CNTNAP2: variants seen among roughly 807,000 people sequenced by gnomAD.
The protein encoded by CNTNAP2 is contactin associated protein 2, also known as contactin-associated protein-like 2.
In CNTNAP2, 98 loss-of-function variants were observed where a neutral mutation model predicts 155.2. The ratio of observed to expected loss-of-function variants is 0.63; its 90% CI spans 0.54 to 0.75. The LOEUF (loss-of-function observed/expected upper bound fraction) is 0.75. Ranked by LOEUF, CNTNAP2 falls within the 30% of genes least tolerant of loss-of-function variation. CNTNAP2 has a pLI of 0.00. For synonymous variants in CNTNAP2, 651 were observed against 631.2 expected (o/e 1.03, Z -0.47); for missense variants, 1,727 against 1,688.1 (o/e 1.02, Z -0.40).
intron 1 of CNTNAP2, among the ~76,000 whole-genome samples, chr7:146,494,195 A>G (rs1584950463): frequency 6.6e-6 from 1 of 151,922 alleles, no homozygotes; most frequent in African/African-American, 2.4e-5. Context: ...TTAGCTGGGC[A>G]TGGTGGCGGG....
At chr7:147,545,420 T>C (rs1048187089) in intron 11 of CNTNAP2, among the ~76,000 whole-genome samples, 8 of 152,188 alleles carry the variant, frequency 5.3e-5, no homozygotes, top group Admixed American at 4.6e-4. Context: ...CACAACTGTG[T>C]GTATGTGAGT....
intron 1 of CNTNAP2, among the ~76,000 whole-genome samples, chr7:146,312,363 A>G (rs1373331939): frequency 6.6e-6 from 1 of 152,188 alleles, no homozygotes; most frequent in Non-Finnish European, 1.5e-5. Context: ...GGTAACACAT[A>G]TCTTTGCAAC....
chr7:146,426,678 G>A (rs1041077767), intron 1 of CNTNAP2, among the ~76,000 whole-genome samples: 2 of 148,164 alleles, frequency 1.3e-5, no homozygotes, highest in Non-Finnish European at 3.0e-5. Context: ...AGAGTAAAAT[G>A]CTAGTTGCCA....
At chr7:147,598,950 T>A (rs1475268619) in intron 12 of CNTNAP2, among the ~76,000 whole-genome samples, 2 of 152,114 alleles carry the variant, frequency 1.3e-5, no homozygotes, top group East Asian at 1.9e-4. Flanking sequence ...TCCTGAGGCC[T>A]CCCCAGCCAT....
At chr7:147,699,968 G>A (rs150925799) in intron 13 of CNTNAP2, among the ~76,000 whole-genome samples, 2,510 of 152,220 alleles carry the variant, frequency 0.016, 223 homozygotes, top group Admixed American at 0.15. Flanking sequence ...CTTGTACTTA[G>A]CATAATGTTT....
chr7:146,614,691 C>G (rs1159603119), intron 1 of CNTNAP2, among the ~76,000 whole-genome samples: 2 of 152,068 alleles, frequency 1.3e-5, no homozygotes, highest in Non-Finnish European at 2.9e-5. Context: ...GCAATAAAGT[C>G]AAAGACAACT....
intron 8 of CNTNAP2, among the ~76,000 whole-genome samples, chr7:147,251,635 A>G (rs1020439743): frequency 1.3e-5 from 2 of 152,160 alleles, no homozygotes; most frequent in African/African-American, 4.8e-5. Flanking sequence ...TTATGGAAAG[A>G]CACAAATATT....
At chr7:146,735,466 A>G (rs1801597475) in intron 1 of CNTNAP2, among the ~76,000 whole-genome samples, 1 of 152,018 alleles carries the variant, frequency 6.6e-6, no homozygotes. Flanking sequence ...GAGGCAGGAG[A>G]ATGGCGTGAA....
At position 148,149,245 on chromosome 7, in the gene CNTNAP2, C is replaced by T. The variant is rs114269778; in HGVS notation, c.2773+1536C>T. 6.5e-3 allele frequency among the ~76,000 whole-genome samples: 995 copies of T among 152,068 alleles called. 22 individuals carry two copies. Among genetic ancestry groups the T allele is most frequent in the African/African-American group, 0.023 (936 of 41,474 alleles). On this transcript the variant is annotated intron_variant, in intron 17 of 23. Transcript: ENST00000361727. ...TGGCTGTGTGTAAGAATTTTGAAGA[C>T]CTAGTAAGGTTGTAAAATGAAGAGA...
At chr7:146,644,834 A>T (rs1359745607) in intron 1 of CNTNAP2, among the ~76,000 whole-genome samples, 1 of 152,136 alleles carries the variant, frequency 6.6e-6, no homozygotes, top group Non-Finnish European at 1.5e-5. Context: ...TTGTGGCAAT[A>T]ATCAGTAGCT....
intron 3 of CNTNAP2, among the ~76,000 whole-genome samples, chr7:146,991,246 T>A (rs539869950): frequency 9.2e-5 from 14 of 152,250 alleles, no homozygotes; most frequent in Non-Finnish European, 5.9e-5. Context: ...GTATTCTAAA[T>A]CATTTAATTT....
intron 1 of CNTNAP2, among the ~76,000 whole-genome samples, chr7:146,385,701 C>T (rs1262946703): frequency 6.6e-6 from 1 of 152,184 alleles, no homozygotes; most frequent in East Asian, 1.9e-4. Flanking sequence ...TGACTGATTA[C>T]TGATCCCTTG....
intron 15 of CNTNAP2, among the ~76,000 whole-genome samples, chr7:148,036,172 C>T (rs1312856226): frequency 6.6e-6 from 1 of 152,094 alleles, no homozygotes; most frequent in Non-Finnish European, 1.5e-5. Flanking sequence ...ACATTCTGGA[C>T]TTTGGACTTT....
At chr7:146,419,348 G>A (rs1795979414) in intron 1 of CNTNAP2, among the ~76,000 whole-genome samples, 1 of 151,958 alleles carries the variant, frequency 6.6e-6, no homozygotes, top group South Asian at 2.1e-4. Flanking sequence ...GGAATTATGG[G>A]AGCTACAATT....
intron 11 of CNTNAP2, among the ~76,000 whole-genome samples, chr7:147,530,334 C>A (rs1280626046): frequency 6.6e-6 from 1 of 152,010 alleles, no homozygotes; most frequent in Non-Finnish European, 1.5e-5. Context: ...CGTGTGCCTC[C>A]GTGCCTGGCT....
intron 16 of CNTNAP2, among the ~76,000 whole-genome samples, chr7:148,121,725 C>T (rs1804599654): frequency 6.6e-6 from 1 of 152,118 alleles, no homozygotes; most frequent in Non-Finnish European, 1.5e-5. Context: ...AACAATGAGT[C>T]AGTGTACACT....
chr7:147,949,829 CA>C lies in CNTNAP2; in HGVS notation c.2256-28032del, dbSNP rs1324899269. On this transcript the variant is annotated intron_variant, in intron 14 of 23. Coordinates refer to ENST00000361727, the MANE Select transcript of CNTNAP2 (RefSeq NM_014141.6). Reference sequence around the variant, plus strand: ...AAGAAGCTTCGAGGAGAATGGCTTCCACCCATGACTGAGAATTGAATTGAGG... The same window carrying C: ...AAGAAGCTTCGAGGAGAATGGCTTCCCCCATGACTGAGAATTGAATTGAGG... Among the ~76,000 whole-genome samples, 3 of 152,172 alleles carry C rather than the reference CA, an allele frequency of 2.0e-5. No homozygotes were observed. The East Asian group carries it at 5.8e-4, about 29-fold the overall frequency.
At chr7:147,815,435 C>A (rs773779262) in intron 13 of CNTNAP2, among the ~76,000 whole-genome samples, 1 of 151,702 alleles carries the variant, frequency 6.6e-6, no homozygotes, top group African/African-American at 2.4e-5. Flanking sequence ...AGGGAACCAG[C>A]CTCTAGTTCT....
chr7:148,362,391 A>G (rs1395548968), intron 21 of CNTNAP2, among the ~76,000 whole-genome samples: 3 of 152,062 alleles, frequency 2.0e-5, no homozygotes, highest in Non-Finnish European at 4.4e-5. Context: ...ATCTGCAAAA[A>G]CTGTCTTTCC....
Sources: gnomAD v4.1 joint callset for allele counts (sites outside exome capture counted in the v4.1 genomes callset) on GRCh38, gnomAD v4.1.1 for gene constraint, MANE v1.5 for transcripts, NCBI Gene and HGNC (gene_info 2026-07-23, HGNC 2026-07-21) for gene names.